Variants in TFDP2 observed in about 807,000 individuals in gnomAD.
The protein encoded by TFDP2 is transcription factor Dp-2 (E2F dimerization partner 2).
Under a neutral mutation model 59.3 loss-of-function variants are expected in TFDP2, and 17 were observed. The ratio of observed to expected loss-of-function variants is 0.29; its 90% CI spans 0.20 to 0.43. The LOEUF (loss-of-function observed/expected upper bound fraction) is 0.43. Ranked by LOEUF, TFDP2 falls within the 20% of genes least tolerant of loss-of-function variation. TFDP2 has a pLI of 1.00. For synonymous variants in TFDP2, 180 were observed against 194.7 expected, an observed-to-expected ratio of 0.92 and a Z score of 0.63; for missense variants, 391 against 528.8, an observed-to-expected ratio of 0.74 and a Z score of 2.56.
intron 11 of TFDP2, among the ~76,000 whole-genome samples, chr3:141,959,446 A>G (rs1203151544): frequency 6.6e-6 from 1 of 152,212 alleles, no homozygotes; most frequent in African/African-American, 2.4e-5. Context: ...GAGCCAATTT[A>G]GATGTAATAG....
At chr3:141,969,091 C>CCGGCCTAA (rs1559941638) in intron 9 of TFDP2, among the ~76,000 whole-genome samples, 4 of 43,234 alleles carry the variant, frequency 9.3e-5, no homozygotes, top group African/African-American at 6.7e-4. Context: ...ATATATATAA[C>CCGGCCTAA]ATATATATAT....
At chr3:141,965,424 G>C (rs1046067580) in intron 9 of TFDP2, among the ~76,000 whole-genome samples, 3 of 151,268 alleles carry the variant, frequency 2.0e-5, no homozygotes, top group Non-Finnish European at 4.4e-5. Context: ...TTGAGCCTAG[G>C]AGTTGGAGGA....
At chr3:141,960,623 C>A (rs1937236450) in intron 10 of TFDP2, among the ~76,000 whole-genome samples, 1 of 152,030 alleles carries the variant, frequency 6.6e-6, no homozygotes, top group South Asian at 2.1e-4. Context: ...GAGGGTAAAA[C>A]TTTATACCCT....
intron 9 of TFDP2, among the ~76,000 whole-genome samples, chr3:141,968,457 T>C (rs1194346464): frequency 1.0e-4 from 10 of 100,426 alleles, no homozygotes; most frequent in African/African-American, 4.5e-4. Flanking sequence ...ATATATCTCA[T>C]ATATAGATAT....
At chr3:142,050,512 G>A (rs557127204) in intron 3 of TFDP2, among the ~76,000 whole-genome samples, 3 of 151,712 alleles carry the variant, frequency 2.0e-5, no homozygotes, top group East Asian at 2.0e-4. Context: ...TGGCTAACAC[G>A]GTGAAACCCT....
intron 7 of TFDP2, among the ~76,000 whole-genome samples, chr3:141,978,097 C>T (rs1940979847): frequency 6.6e-6 from 1 of 151,616 alleles, no homozygotes; most frequent in Admixed American, 6.6e-5. Flanking sequence ...GTAATCCCAG[C>T]ACTTTGGAAG....
intron 3 of TFDP2, among the ~76,000 whole-genome samples, chr3:142,007,685 G>A (rs1944326532): frequency 6.6e-6 from 1 of 152,190 alleles, no homozygotes; most frequent in African/African-American, 2.4e-5. Flanking sequence ...CCTGCTACTA[G>A]AGAGTCCCAT....
rs1179660709 is a variant in TFDP2 at position 142,043,356 on chromosome 3, T to C, written c.83-37812A>G. The stretch of plus-strand genomic sequence containing the variant: ...GCCACCGCGCCCGGCCGCTTATTTT[T>C]ACTCTTATTTATTTATTTATTTTTG... On this transcript the variant is annotated intron_variant, in intron 3 of 12. Coordinates refer to ENST00000489671, the MANE Select transcript of TFDP2 (RefSeq NM_001178139.2). Among the ~76,000 whole-genome samples, 5 of 151,812 alleles carry C rather than the reference T, an allele frequency of 3.3e-5. No homozygotes were observed. The East Asian group carries it at 7.8e-4, about 24-fold the overall frequency.
At chr3:142,080,789 C>T (rs1331950685) in intron 3 of TFDP2, among the ~76,000 whole-genome samples, 1 of 152,122 alleles carries the variant, frequency 6.6e-6, no homozygotes. Flanking sequence ...GAGGATATAA[C>T]AATTGTAAAT....
At chr3:142,030,667 C>G (rs977324115) in intron 3 of TFDP2, among the ~76,000 whole-genome samples, 1 of 151,882 alleles carries the variant, frequency 6.6e-6, no homozygotes, top group African/African-American at 2.4e-5. Context: ...TAGATATGGT[C>G]ACACCTACTC....
At chr3:142,049,780 CT>C (rs1238946849) in intron 3 of TFDP2, among the ~76,000 whole-genome samples, 5 of 152,090 alleles carry the variant, frequency 3.3e-5, no homozygotes, top group African/African-American at 1.2e-4. Context: ...CAAAAGCCAA[CT>C]GTATTTCTAT....
At chr3:142,027,664 T>C (rs1946192957) in intron 3 of TFDP2, among the ~76,000 whole-genome samples, 1 of 152,184 alleles carries the variant, frequency 6.6e-6, no homozygotes, top group African/African-American at 2.4e-5. Flanking sequence ...TATCAAAAAA[T>C]AAGACGTGTC....
intron 3 of TFDP2, among the ~76,000 whole-genome samples, chr3:142,074,063 C>T (rs2108557045): frequency 6.6e-6 from 1 of 152,290 alleles, no homozygotes; most frequent in African/African-American, 2.4e-5. Context: ...GTAATAAAAA[C>T]ATTATGATAC....
chr3:141,996,592 A>G (rs937365072), intron 4 of TFDP2, among the ~76,000 whole-genome samples: 2 of 152,246 alleles, frequency 1.3e-5, no homozygotes, highest in Admixed American at 1.3e-4. Context: ...CATTAAGTTC[A>G]TTGCTAACTT....
intron 3 of TFDP2, among the ~76,000 whole-genome samples, chr3:142,007,038 G>T (rs1370503685): frequency 1.3e-5 from 2 of 152,176 alleles, no homozygotes; most frequent in Non-Finnish European, 2.9e-5. Flanking sequence ...GCCTCCCAAA[G>T]TTCTGGATTA....
chr3:142,149,058 C>G (rs947842073), intron 1 of TFDP2, 125 bp downstream of exon 1: 8 of 393,384 alleles, frequency 2.0e-5, no homozygotes, highest in African/African-American at 1.4e-4. Context: ...CAGGTCTAAA[C>G]AGATGGGACT....
intron 9 of TFDP2, among the ~76,000 whole-genome samples, chr3:141,964,983 C>T (rs568927125): frequency 3.3e-5 from 5 of 152,232 alleles, no homozygotes; most frequent in East Asian, 3.9e-4. Context: ...CCCTTTTAGA[C>T]GGAGGCTGCA....
chr3:142,103,304 G>A (rs984371532), intron 1 of TFDP2, among the ~76,000 whole-genome samples: 2 of 151,820 alleles, frequency 1.3e-5, no homozygotes, highest in African/African-American at 4.8e-5. Flanking sequence ...AATTCAACCT[G>A]TGATCTTGGT....
At chr3:142,043,148 G>A (rs1392172208) in intron 3 of TFDP2, among the ~76,000 whole-genome samples, 2 of 151,784 alleles carry the variant, frequency 1.3e-5, no homozygotes, top group Non-Finnish European at 2.9e-5. Context: ...CCGGGTTCAC[G>A]CCATTCTCCT....
Sources: allele counts gnomAD v4.1 joint callset (sites outside exome capture counted in the v4.1 genomes callset), GRCh38; gene constraint gnomAD v4.1.1; transcripts MANE v1.5; gene names NCBI Gene and HGNC (gene_info 2026-07-23, HGNC 2026-07-21).